The following CADM1 variants were observed in gnomAD, a reference collection of about 807,000 sequenced individuals.
CADM1 encodes the protein cell adhesion molecule 1.
A neutral mutation model predicts 53.1 loss-of-function variants in CADM1; 15 were observed. That is an observed-to-expected ratio of 0.28 (90% confidence interval 0.19 to 0.44). CADM1 has a LOEUF of 0.44. Among genes scored for constraint, CADM1 ranks in the 20% least tolerant of loss-of-function variants. CADM1 has a pLI of 1.00. For missense variants in CADM1, 434 were observed against 611.3 expected (o/e 0.71, Z 3.06); for synonymous variants, 281 against 243.0 (o/e 1.16, Z -1.45).
At chr11:115,231,311 G>C in intron 4 of CADM1, 42 bp downstream of exon 4, 1 of 1,609,996 alleles carries the variant, frequency 6.2e-7, no homozygotes. Flanking sequence ...ATATCTGCTA[G>C]AATCAGCTAA....
intron 1 of CADM1, among the ~76,000 whole-genome samples, chr11:115,276,344 G>A (rs1164412670): frequency 6.6e-6 from 1 of 152,168 alleles, no homozygotes; most frequent in Non-Finnish European, 1.5e-5. Context: ...TCAGGATTAG[G>A]AGGGGGAAAG....
At chr11:115,301,434 C>A (rs1452634621) in intron 1 of CADM1, among the ~76,000 whole-genome samples, 1 of 151,994 alleles carries the variant, frequency 6.6e-6, no homozygotes, top group Non-Finnish European at 1.5e-5. Context: ...ACTAGTCTTA[C>A]TTGAAGTCAA....
rs12278786 is a variant in CADM1, at chr11:115,325,320, G to A, written c.125-84900C>T. 2.0e-3 allele frequency among the ~76,000 whole-genome samples: 297 copies of A among 152,210 alleles called. 2 individuals are homozygous for A. The highest frequency in any genetic ancestry group is 7.0e-3 in the African/African-American group (289 of 41,524). On this transcript the variant is annotated intron_variant, in intron 1 of 11. Transcript: ENST00000331581. ...ACGTGCATCTCCTGGAGGCAGCCAG[G>A]GCTTGGACATCAGTCATCAATAAGG...
At chr11:115,256,556 G>A (rs1942795487) in intron 1 of CADM1, among the ~76,000 whole-genome samples, 1 of 152,154 alleles carries the variant, frequency 6.6e-6, no homozygotes, top group African/African-American at 2.4e-5. Flanking sequence ...TGAAACCAGA[G>A]AATTCACCTC....
intron 1 of CADM1, among the ~76,000 whole-genome samples, chr11:115,383,707 T>C (rs934724823): frequency 2.0e-5 from 3 of 152,198 alleles, no homozygotes; most frequent in African/African-American, 7.2e-5. Context: ...AAAAAGTTTA[T>C]AAAAATTGGG....
chr11:115,379,553 A>G (rs1484133395), intron 1 of CADM1, among the ~76,000 whole-genome samples: 1 of 152,212 alleles, frequency 6.6e-6, no homozygotes, highest in Non-Finnish European at 1.5e-5. Context: ...TCACTGACTG[A>G]CAAAGTACTG....
chr11:115,266,845 T>C (rs183920826), intron 1 of CADM1, among the ~76,000 whole-genome samples: 1 of 152,378 alleles, frequency 6.6e-6, no homozygotes, highest in Admixed American at 6.5e-5. Context: ...AAAAAGTTTC[T>C]GAAACCTGCC....
At chr11:115,382,975 TCA>T (rs1480115824) in intron 1 of CADM1, among the ~76,000 whole-genome samples, 49 of 152,140 alleles carry the variant, frequency 3.2e-4, no homozygotes, top group Admixed American at 2.0e-4. Flanking sequence ...CCAAGGAAAA[TCA>T]CAGACTCCTT....
At chr11:115,326,786 T>C (rs1450503592) in intron 1 of CADM1, among the ~76,000 whole-genome samples, 1 of 152,190 alleles carries the variant, frequency 6.6e-6, no homozygotes, top group Non-Finnish European at 1.5e-5. Context: ...TGTCATAAGC[T>C]GCATTTTCAG....
intron 1 of CADM1, among the ~76,000 whole-genome samples, chr11:115,487,183 T>C (rs1487031813): frequency 6.6e-6 from 1 of 152,234 alleles, no homozygotes; most frequent in East Asian, 1.9e-4. Context: ...AAAACACTTT[T>C]TTCAAAGAGA....
chr11:115,356,031 C>T (rs2135076661), intron 1 of CADM1, among the ~76,000 whole-genome samples: 1 of 152,136 alleles, frequency 6.6e-6, no homozygotes, highest in Non-Finnish European at 1.5e-5. Flanking sequence ...CAGAGTTTCA[C>T]CATATTGGCC....
At chr11:115,406,218 T>C (rs188055669) in intron 1 of CADM1, among the ~76,000 whole-genome samples, 97 of 152,208 alleles carry the variant, frequency 6.4e-4, no homozygotes, top group Non-Finnish European at 1.0e-3. Context: ...ATCCAAATAC[T>C]TCCTCCCTCA....
At chr11:115,330,217 T>C (rs1247831253) in intron 1 of CADM1, among the ~76,000 whole-genome samples, 1 of 152,012 alleles carries the variant, frequency 6.6e-6, no homozygotes, top group African/African-American at 2.4e-5. Context: ...GCTTTTTATT[T>C]ACAATGGAGA....
intron 1 of CADM1, among the ~76,000 whole-genome samples, chr11:115,252,310 T>C (rs1942630931): frequency 6.6e-6 from 1 of 152,212 alleles, no homozygotes. Context: ...TAGAGAACTA[T>C]GACCTTCTCT....
chr11:115,216,199 A>C lies in CADM1; in HGVS notation c.822-1419T>G, dbSNP rs61908546. The stretch of plus-strand genomic sequence containing the variant: ...CAATTTCTTGAGAAAATAAATAAGT[A>C]ACATGCTAGAAGGGGTAGCAGTAGA... On this transcript the variant is annotated intron_variant, in intron 6 of 11. Coordinates refer to ENST00000331581, the MANE Select transcript of CADM1 (RefSeq NM_001301043.2). 9.1e-3 allele frequency among the ~76,000 whole-genome samples: 1,393 copies of C among 152,342 alleles called. 11 individuals carry two copies. The highest frequency in any genetic ancestry group is 0.041 in the Middle Eastern group (12 of 294).
At chr11:115,385,182 CAAAAAAAA>C in intron 1 of CADM1, among the ~76,000 whole-genome samples, 1 of 90,970 alleles carries the variant, frequency 1.1e-5, no homozygotes. Flanking sequence ...ATGTGCTTTC[CAAAAAAAA>C]AAAAAACAGA....
At chr11:115,359,065 C>T (rs1291250623) in intron 1 of CADM1, among the ~76,000 whole-genome samples, 2 of 152,144 alleles carry the variant, frequency 1.3e-5, no homozygotes, top group Non-Finnish European at 2.9e-5. Flanking sequence ...TACATACATG[C>T]ATTACCATCT....
rs146169336 is a variant in CADM1, at chr11:115,185,051, C to T, written c.1165+5837G>A. ...TGACTTCAGGCAGGTCAATGAGGCACTCTGAGCCACTGAGTACAATTACGT... is the reference window on the plus strand; with the variant it reads ...TGACTTCAGGCAGGTCAATGAGGCATTCTGAGCCACTGAGTACAATTACGT... On this transcript the variant is annotated intron_variant, in intron 10 of 11. Transcript: ENST00000331581. Among the ~76,000 whole-genome samples, 3 of 152,330 alleles carry T rather than the reference C, an allele frequency of 2.0e-5. No homozygotes were observed. The East Asian group carries it at 5.8e-4, about 29-fold the overall frequency.
At chr11:115,295,604 T>C (rs1325656602) in intron 1 of CADM1, among the ~76,000 whole-genome samples, 3 of 146,354 alleles carry the variant, frequency 2.0e-5, no homozygotes, top group African/African-American at 7.4e-5. Flanking sequence ...ATTCTGCAAT[T>C]TCCCTTCTTA....
Sources: gnomAD v4.1 joint callset for allele counts (sites outside exome capture counted in the v4.1 genomes callset) on GRCh38, gnomAD v4.1.1 for gene constraint, MANE v1.5 for transcripts, NCBI Gene and HGNC (gene_info 2026-07-23, HGNC 2026-07-21) for gene names.